Variants in PEAR1 observed in about 807,000 individuals in gnomAD.
PEAR1 encodes the protein multiple EGF-like domains protein 12.
A neutral mutation model predicts 131.2 loss-of-function variants in PEAR1; 113 were observed. The observed-to-expected ratio is 0.86, with a 90% CI of 0.74 to 1.01. The LOEUF is 1.01. Among genes scored for constraint, PEAR1 ranks in the 50% least tolerant of loss-of-function variants. The pLI is 0.00. For missense variants in PEAR1, 1,408 were observed against 1,391.1 expected (o/e 1.01, Z -0.19); for synonymous variants, 565 against 523.3 (o/e 1.08, Z -1.09).
At chr1:156,907,817 G>T in intron 7 of PEAR1, 87 bp downstream of exon 7, 1 of 1,568,304 alleles carries the variant, frequency 6.4e-7, no homozygotes, top group South Asian at 1.2e-5. Context: ...AGGTGAGTGA[G>T]GGGGGTGAGC....
intron 1 of PEAR1, among the ~76,000 whole-genome samples, chr1:156,901,596 G>A (rs974064813): frequency 3.9e-5 from 6 of 152,206 alleles, no homozygotes; most frequent in Admixed American, 2.0e-4. Flanking sequence ...CAGGAGATGA[G>A]GCTCACCCAG....
At chr1:156,914,480 T>C (rs563894480) in intron 22 of PEAR1, among the ~76,000 whole-genome samples, 167 bp from the exon 23 acceptor site, 39 of 152,334 alleles carry the variant, frequency 2.6e-4, no homozygotes, top group African/African-American at 9.1e-4. Context: ...AGAGTTTTGC[T>C]TGGAGCCGCA....
chr1:156,904,142 GTCTC>G (rs1167710951), intron 2 of PEAR1, 115 bp downstream of exon 2: 1 of 808,474 alleles, frequency 1.2e-6, no homozygotes, highest in Non-Finnish European at 2.1e-6. Flanking sequence ...CTTCTCTCTA[GTCTC>G]TCCCCTCCCG....
Position 156,912,839 on chromosome 1 carries a change from G to T in PEAR1, c.2279G>T (p.Gly760Val), listed in dbSNP as rs1651386378. 1 of 1,614,244 alleles carries T rather than the reference G, an allele frequency of 6.2e-7. No homozygotes were observed. The highest frequency in any genetic ancestry group is 2.2e-5 in the East Asian group (1 of 44,886). The change falls in exon 18 of 23, where the codon GGC becomes GTC. Residue 760 changes from glycine (G) to valine (V), a missense_variant. Physicochemically the swap from Gly to Val is moderately radical, Grantham distance 109. Transcript: ENST00000292357. ...TATAACTCGCTGGGTGCAGTGATTG[G>T]CATTGCAGTGCTGGGGTCCCTTGTG... ...VAYNSLGAVIGIAVLGSLVVA... is the reference protein window; with the variant it reads ...VAYNSLGAVIVIAVLGSLVVA...
At chr1:156,905,019 T>C in intron 3 of PEAR1, 167 bp downstream of exon 3, 1 of 1,547,040 alleles carries the variant, frequency 6.5e-7, no homozygotes. Context: ...ATGGGATGTA[T>C]ATGTGAATGC....
At chr1:156,911,070 T>TTTC (rs1328123391) in intron 15 of PEAR1, among the ~76,000 whole-genome samples, 1 of 113,476 alleles carries the variant, frequency 8.8e-6, no homozygotes, top group Admixed American at 8.5e-5. Flanking sequence ...TCTTTCTTTC[T>TTTC]TTCTTTCTTT....
Position 156,913,847 on chromosome 1 carries a change from C to G in PEAR1, c.2714-5C>G, listed in dbSNP as rs559789563. On this transcript the variant is annotated splice_region_variant and splice_polypyrimidine_tract_variant and intron_variant, in intron 21 of 22. Transcript: ENST00000292357. ...TGCGGCCTGACTTCTTTCCTCTATCCTTAGGGCTCATCTCTGAAGAGGAGC... is the reference window on the plus strand; with the variant it reads ...TGCGGCCTGACTTCTTTCCTCTATCGTTAGGGCTCATCTCTGAAGAGGAGC... 1 of 1,612,720 alleles carries G rather than the reference C, an allele frequency of 6.2e-7. No individual in the cohort carries two copies. The highest frequency in any genetic ancestry group is 1.1e-5 in the South Asian group (1 of 90,868).
Position 156,914,024 on chromosome 1 carries a change from G to A in PEAR1, c.2886G>A (p.Trp962Ter). The change falls in exon 22 of 23, where the codon TGG (tryptophan) becomes TGA (stop). Residue 962 changes from tryptophan (W) to a stop codon, truncating the protein, a stop_gained. Coordinates refer to ENST00000292357, the MANE Select transcript of PEAR1 (RefSeq NM_001080471.3). LOFTEE classifies it high-confidence loss of function. ...CCCCCAGGCAGCCTCCTCAGTTCTG[G>A]GACAGCCAGAGGCGGCGGCAACCCC... ...GSPPRQPPQF[W>*]DSQRRRQPQP... 6.2e-7 allele frequency: 1 copy of A among 1,611,892 alleles called. No individual in the cohort carries two copies. Among genetic ancestry groups the A allele is most frequent in the South Asian group, 1.1e-5 (1 of 90,702 alleles).
At chr1:156,903,676 A>T (rs1035470902) in intron 1 of PEAR1, among the ~76,000 whole-genome samples, 13 of 152,076 alleles carry the variant, frequency 8.5e-5, no homozygotes, top group African/African-American at 2.9e-4. Context: ...AAAGATGGGA[A>T]CTCCAGGTGA....
intron 1 of PEAR1, among the ~76,000 whole-genome samples, chr1:156,901,692 A>G (rs1649695839): frequency 6.6e-6 from 1 of 152,186 alleles, no homozygotes; most frequent in Non-Finnish European, 1.5e-5. Context: ...GCTGAGGGTC[A>G]GGGAAGAGGG....
rs1650290881 is a variant in PEAR1 at position 156,906,301 on chromosome 1, T to C, written c.333T>C (p.His111=). The C allele has an allele frequency of 1.2e-6, 2 of 1,614,172 alleles. No individual in the cohort carries two copies. Among genetic ancestry groups the C allele is most frequent in the African/African-American group, 1.3e-5 (1 of 75,052 alleles). ...CVPLCAQECV[H]GRCVAPNQCQ... ...CGCTCTGTGCCCAGGAGTGTGTCCA[T>C]GGCCGTTGTGTGGCACCCAATCAGT... Residue 111 remains histidine (H), a synonymous_variant, in exon 5 of 23, where the codon CAT becomes CAC. Transcript: ENST00000292357.
At chr1:156,897,505 T>C (rs1649276065) in intron 1 of PEAR1, among the ~76,000 whole-genome samples, 1 of 152,138 alleles carries the variant, frequency 6.6e-6, no homozygotes, top group African/African-American at 2.4e-5. Context: ...CCAGAGGAGG[T>C]ACACTGGTGC....
intron 14 of PEAR1, 112 bp downstream of exon 14, chr1:156,910,492 C>CG (rs1650937122): frequency 1.3e-6 from 2 of 1,545,646 alleles, no homozygotes; most frequent in Non-Finnish European, 1.7e-6. Flanking sequence ...ACCTTACCCC[C>CG]GGTCTCTTCC....
At chr1:156,913,098 TCAGGGAGGC>T (rs1651433927) in intron 18 of PEAR1, 87 bp from the exon 19 acceptor site, 1 of 1,547,984 alleles carries the variant, frequency 6.5e-7, no homozygotes, top group East Asian at 2.3e-5. Flanking sequence ...GGAAGGGAGG[TCAGGGAGGC>T]CAAAGTACTG....
chr1:156,904,669 G>GC, intron 2 of PEAR1, 79 bp from the exon 3 acceptor site: 1 of 1,414,902 alleles, frequency 7.1e-7, no homozygotes, highest in Non-Finnish European at 9.6e-7. Context: ...CTGTGGCCAA[G>GC]CCCTCATGGC....
intron 17 of PEAR1, 46 bp downstream of exon 17, chr1:156,912,668 T>G (rs1651361266): frequency 1.2e-6 from 2 of 1,609,522 alleles, no homozygotes; most frequent in Non-Finnish European, 1.7e-6. Context: ...CCCAGGGAAC[T>G]GGGACCTAGG....
In PEAR1 at chr1:156,910,391, CT is replaced by C; in HGVS notation, c.1825+12del. 1 of 1,577,098 alleles carries C rather than the reference CT, an allele frequency of 6.3e-7. No individual in the cohort carries two copies. Among genetic ancestry groups the C allele is most frequent in the Non-Finnish European group, 8.6e-7 (1 of 1,160,998 alleles). On this transcript the variant is annotated intron_variant, in intron 14 of 22. Transcript: ENST00000292357. ...CCTCCTGCCAGAGATGTGAGGCTCC[CT>C]ACTGCCCCTTCCACCTGCCACCAGC...
In PEAR1 at chr1:156,902,645, C is replaced by T. The variant is rs969565449; in HGVS notation, c.-9-1273C>T. On this transcript the variant is annotated intron_variant, in intron 1 of 22. Transcript: ENST00000292357. This position sits in a 1 kb window ranked among gnomAD's most constrained non-coding sequence, Gnocchi z 4.3. Reference sequence around the variant, plus strand: ...CAGGCAGCAACATTCCAGAGATACTCAGGGGGGTAAGGGGCCAGCAACCGC... The same window carrying T: ...CAGGCAGCAACATTCCAGAGATACTTAGGGGGGTAAGGGGCCAGCAACCGC... Among the ~76,000 whole-genome samples the T allele has an allele frequency of 6.6e-6, 1 of 151,928 alleles. No homozygotes were observed. Among genetic ancestry groups the T allele is most frequent in the African/African-American group, 2.4e-5 (1 of 41,332 alleles).
intron 15 of PEAR1, 119 bp from the exon 16 acceptor site, chr1:156,912,127 AG>A: frequency 7.8e-7 from 1 of 1,283,494 alleles, no homozygotes; most frequent in South Asian, 1.6e-5. Context: ...TACTGTTCAA[AG>A]CTTTGGTGTG....
Sources: allele counts gnomAD v4.1 joint callset (sites outside exome capture counted in the v4.1 genomes callset), GRCh38; gene constraint gnomAD v4.1.1; non-coding constraint Gnocchi (gnomAD v3.1); transcripts MANE v1.5; gene names NCBI Gene and HGNC (gene_info 2026-07-23, HGNC 2026-07-21).